Variants in FNBP4 observed in about 807,000 individuals in gnomAD.
The protein encoded by FNBP4 is formin-binding protein 4.
Under a neutral mutation model 119.3 loss-of-function variants are expected in FNBP4, and 34 were observed. The ratio of observed to expected loss-of-function variants is 0.28; its 90% CI spans 0.22 to 0.38. FNBP4 has a LOEUF of 0.38. Ranked by LOEUF, FNBP4 falls within the 10% of genes least tolerant of loss-of-function variation. The pLI is 1.00. For missense variants in FNBP4, 1,112 were observed against 1,228.9 expected (o/e 0.90, Z 1.42); for synonymous variants, 462 against 430.6 (o/e 1.07, Z -0.90).
intron 1 of FNBP4, 89 bp downstream of exon 1, chr11:47,766,980 C>T: frequency 7.0e-7 from 1 of 1,421,698 alleles, no homozygotes; most frequent in South Asian, 1.5e-5. Flanking sequence ...CGACCTCGCC[C>T]GCCTCCCTCG....
In FNBP4 at chr11:47,723,043, G is replaced by A; in HGVS notation, c.2738C>T (p.Pro913Leu). The part of the protein sequence containing the change: ...IEPPPPPPPP[P>L]PPPPPAPKMP... ...TTTGGGAGCTGGTGGTGGTGGAGGA[G>A]GAGGAGGAGGAGGTGGTGGTGGTGG... Residue 913 changes from proline (P) to leucine (L), a missense_variant, in exon 15 of 17, where the codon CCT becomes CTT. Physicochemically the swap from Pro to Leu is moderately conservative, Grantham distance 98. Transcript: ENST00000263773. 6.3e-7 allele frequency: 1 copy of A among 1,582,032 alleles called. No individual in the cohort carries two copies. The highest frequency in any genetic ancestry group is 8.6e-7 in the Non-Finnish European group (1 of 1,163,550).
chr11:47,745,928 G>T, intron 7 of FNBP4, 128 bp downstream of exon 7: 2 of 792,826 alleles, frequency 2.5e-6, no homozygotes, highest in Non-Finnish European at 3.9e-6. Context: ...TGCTGCATAA[G>T]CTTCAACATA....
intron 13 of FNBP4, 100 bp from the exon 14 acceptor site, chr11:47,724,272 A>C (rs947212616): frequency 3.6e-5 from 56 of 1,535,628 alleles, no homozygotes; most frequent in Non-Finnish European, 4.9e-5. Flanking sequence ...CTGTTGCACA[A>C]GCTGCAGTGG....
At chr11:47,760,776 C>T (rs1307412219) in intron 2 of FNBP4, among the ~76,000 whole-genome samples, 1 of 152,084 alleles carries the variant, frequency 6.6e-6, no homozygotes, top group Non-Finnish European at 1.5e-5. Context: ...TGTTGCCAGG[C>T]TGGTCTCGAA....
rs1283883570 is a variant in FNBP4 at position 47,751,165 on chromosome 11, C to T, written c.763G>A (p.Gly255Arg). 2 of 1,614,036 alleles carry T rather than the reference C, an allele frequency of 1.2e-6. No homozygotes were observed. The highest frequency in any genetic ancestry group is 1.7e-5 in the Admixed American group (1 of 59,990). ...TACCTGGGCTGGTAATGCTGTAATC[C>T]CTGTACCTGTGTGGCAAGATATTGG... ...LPQYLATQVQGLQHYQPSSVP... is the reference protein window; with the variant it reads ...LPQYLATQVQRLQHYQPSSVP... Residue 255 changes from glycine to arginine, a missense_variant, in exon 5 of 17, where the codon GGA (glycine) becomes AGA (arginine). Transcript: ENST00000263773.
chr11:47,721,866 C>A (rs1442520920), intron 15 of FNBP4, among the ~76,000 whole-genome samples: 1 of 147,098 alleles, frequency 6.8e-6, no homozygotes, highest in African/African-American at 2.5e-5. Context: ...AGAATTACAG[C>A]GTTCCCATTT....
At chr11:47,729,191 T>C (rs2097564678) in intron 12 of FNBP4, 2 of 985,348 alleles carry the variant, frequency 2.0e-6, no homozygotes, top group African/African-American at 1.7e-5. Context: ...CCTTCCTTAA[T>C]TTTCCCCCCA....
chr11:47,732,170 T>G lies in FNBP4; in HGVS notation c.1820+367A>C, dbSNP rs1050507187. The G allele has an allele frequency of 1.4e-5, 14 of 1,022,992 alleles. No homozygotes were observed. The highest frequency in any genetic ancestry group is 1.6e-5 in the Non-Finnish European group (14 of 854,910). The allele number at this position is 1,022,992 out of a possible 1,614,324, so 63.4% of individuals were successfully genotyped here. On this transcript the variant is annotated intron_variant, in intron 11 of 16. Coordinates refer to ENST00000263773, the MANE Select transcript of FNBP4 (RefSeq NM_015308.5). This position sits in a 1 kb window ranked among gnomAD's most constrained non-coding sequence, Gnocchi z 4.2. ...TTCATTCACATCTTCAGCCACGAAG[T>G]TTTCCTTAACTTCACCGAGGTTAAT...
At chr11:47,766,310 G>A (rs1292110939) in intron 1 of FNBP4, among the ~76,000 whole-genome samples, 1 of 151,966 alleles carries the variant, frequency 6.6e-6, no homozygotes, top group Admixed American at 6.6e-5. Flanking sequence ...TTGAGACATT[G>A]TCTCGAAAAA....
At chr11:47,752,749 G>A (rs544511831) in intron 4 of FNBP4, 167 bp downstream of exon 4, 1 of 576,836 alleles carries the variant, frequency 1.7e-6, no homozygotes, top group Admixed American at 3.0e-5. Flanking sequence ...AGGAGGTGGA[G>A]GTTGGAGCGA....
chr11:47,724,327 C>T (rs556435907), intron 13 of FNBP4, 141 bp downstream of exon 13: 1 of 1,527,228 alleles, frequency 6.5e-7, no homozygotes, highest in African/African-American at 1.4e-5. Flanking sequence ...AGCAATCCTC[C>T]TGCTTCGACC....
At position 47,717,524 on chromosome 11, in the gene FNBP4, A is replaced by G; in HGVS notation, c.2964-12T>C. The G allele has an allele frequency of 6.3e-7, 1 of 1,587,358 alleles. No homozygotes were observed. Among genetic ancestry groups the G allele is most frequent in the Non-Finnish European group, 8.6e-7 (1 of 1,159,938 alleles). ...TCTCTGCCATGCCACTGTGAAAACA[A>G]CATACAGATTATTTTAGTGGAAAGA... On this transcript the variant is annotated splice_polypyrimidine_tract_variant and intron_variant, in intron 16 of 16. Coordinates refer to ENST00000263773, the MANE Select transcript of FNBP4 (RefSeq NM_015308.5).
rs918393239 is a variant in FNBP4 at position 47,754,033 on chromosome 11, C to T, written c.450+495G>A. Among the ~76,000 whole-genome samples, 4 of 151,364 alleles carry T rather than the reference C, an allele frequency of 2.6e-5. No individual in the cohort carries two copies. The South Asian group carries it at 6.2e-4, about 24-fold the overall frequency. On this transcript the variant is annotated intron_variant, in intron 3 of 16. Coordinates refer to ENST00000263773, the MANE Select transcript of FNBP4 (RefSeq NM_015308.5). Reference sequence around the variant, plus strand: ...CAGCCTGGCCAACATGGTGAAACCCCGTCTCTACCAAAAATACAAAAATCA... The same window carrying T: ...CAGCCTGGCCAACATGGTGAAACCCTGTCTCTACCAAAAATACAAAAATCA...
intron 8 of FNBP4, among the ~76,000 whole-genome samples, chr11:47,737,817 G>A (rs1266627443): frequency 6.6e-6 from 1 of 151,706 alleles, no homozygotes; most frequent in Non-Finnish European, 1.5e-5. Flanking sequence ...CGTGATCTTA[G>A]CTCATTGCAA....
At chr11:47,741,867 A>G (rs775144732) in intron 8 of FNBP4, among the ~76,000 whole-genome samples, 1 of 152,126 alleles carries the variant, frequency 6.6e-6, no homozygotes, top group Non-Finnish European at 1.5e-5. Flanking sequence ...TGATACCTCT[A>G]ATGGACATTT....
intron 1 of FNBP4, among the ~76,000 whole-genome samples, chr11:47,766,439 G>A (rs2097647909): frequency 6.6e-6 from 1 of 152,148 alleles, no homozygotes; most frequent in South Asian, 2.1e-4. Context: ...CTGCTATTGC[G>A]GATTTTTTCC....
intron 9 of FNBP4, among the ~76,000 whole-genome samples, chr11:47,734,444 T>C (rs2097571234): frequency 6.6e-6 from 1 of 152,110 alleles, no homozygotes; most frequent in Admixed American, 6.6e-5. Context: ...CCTGAACTCC[T>C]GGTCTCAAGT....
Position 47,719,576 on chromosome 11 carries a change from A to ATGTGTG in FNBP4, c.2963+347_2963+352dup, listed in dbSNP as rs66711141. ...AAATAAGTTAATATGTTATGTGTGTATGTGTGTGTGTGTGTGTGTGTGTGT... is the reference window on the plus strand; with the variant it reads ...AAATAAGTTAATATGTTATGTGTGTATGTGTGTGTGTGTGTGTGTGTGTGTGTGTGT... On this transcript the variant is annotated intron_variant, in intron 16 of 16. Coordinates refer to ENST00000263773, the MANE Select transcript of FNBP4 (RefSeq NM_015308.5). Among the ~76,000 whole-genome samples the ATGTGTG allele has an allele frequency of 4.2e-3, 617 of 147,796 alleles. 6 individuals are homozygous for ATGTGTG. The highest frequency in any genetic ancestry group is 0.014 in the African/African-American group (554 of 39,800).
intron 12 of FNBP4, among the ~76,000 whole-genome samples, chr11:47,730,527 G>A (rs538765110): frequency 4.6e-5 from 7 of 152,104 alleles, no homozygotes; most frequent in Non-Finnish European, 1.0e-4. Flanking sequence ...CATCAATTTC[G>A]ATAAGTTTTA....
Sources: allele counts gnomAD v4.1 joint callset (sites outside exome capture counted in the v4.1 genomes callset), GRCh38; gene constraint gnomAD v4.1.1; non-coding constraint Gnocchi (gnomAD v3.1); transcripts MANE v1.5; gene names NCBI Gene and HGNC (gene_info 2026-07-23, HGNC 2026-07-21).